PAK1: variants seen among roughly 807,000 people sequenced by gnomAD.
PAK1 encodes p21 (RAC1) activated kinase 1.
PAK1 carries 29 observed loss-of-function variants against 67.4 expected under a neutral mutation model. The ratio of observed to expected loss-of-function variants is 0.43; its 90% CI spans 0.32 to 0.59. PAK1 has a LOEUF of 0.59. Among genes scored for constraint, PAK1 ranks in the 20% least tolerant of loss-of-function variants. The pLI is 0.07. For missense variants in PAK1, 337 were observed against 670.7 expected (o/e 0.50, Z 5.50); for synonymous variants, 223 against 237.4 (o/e 0.94, Z 0.56).
intron 2 of PAK1, among the ~76,000 whole-genome samples, chr11:77,382,186 C>A (rs951033935): frequency 6.6e-6 from 1 of 152,018 alleles, no homozygotes; most frequent in Non-Finnish European, 1.5e-5. Context: ...CTGTCAAATG[C>A]ATAAGAAACT....
At chr11:77,388,392 C>T (rs1246263011) in intron 2 of PAK1, among the ~76,000 whole-genome samples, 2 of 152,182 alleles carry the variant, frequency 1.3e-5, no homozygotes, top group Non-Finnish European at 2.9e-5. Context: ...CTCGCTCTGT[C>T]GCCCAGGCTG....
Position 77,379,926 on chromosome 11 carries a change from C to T in PAK1, c.259G>A (p.Val87Ile), listed in dbSNP as rs1949601904. Residue 87 changes from valine (V) to isoleucine (I), a missense_variant, in exon 3 of 15, where the codon GTC (valine) becomes ATC (isoleucine). Val to Ile is a conservative substitution (Grantham distance 29). Transcript: ENST00000356341. ...TCCCCTGTGACAGCATCAAAACCGA[C>T]ATGAATTGTGTGTTCAAAATCTGAA... Reference protein sequence around the residue: ...LPSDFEHTIHVGFDAVTGEFT... With the variant: ...LPSDFEHTIHIGFDAVTGEFT... 1 of 1,614,050 alleles carries T rather than the reference C, an allele frequency of 6.2e-7. No homozygotes were observed. Among genetic ancestry groups the T allele is most frequent in the Non-Finnish European group, 8.5e-7 (1 of 1,179,950 alleles).
At chr11:77,502,267 G>A in the PAK1 span, among the ~76,000 whole-genome samples, 1 of 152,046 alleles carries the variant, frequency 6.6e-6, no homozygotes, top group Non-Finnish European at 1.5e-5. Flanking sequence ...ATATATGTCA[G>A]CCATATACAA....
At chr11:77,366,772 T>G (rs1228291149) in intron 5 of PAK1, among the ~76,000 whole-genome samples, 1 of 152,212 alleles carries the variant, frequency 6.6e-6, no homozygotes, top group Non-Finnish European at 1.5e-5. Flanking sequence ...GTGCCAGCAC[T>G]GTGGAAAAAA....
intron 1 of PAK1, among the ~76,000 whole-genome samples, chr11:77,448,808 A>C (rs1404871330): frequency 6.6e-6 from 1 of 152,194 alleles, no homozygotes; most frequent in Non-Finnish European, 1.5e-5. Flanking sequence ...AAAGTGGTAT[A>C]ATAGGCAAAA....
At chr11:77,430,611 A>G (rs1955815053) in intron 1 of PAK1, among the ~76,000 whole-genome samples, 1 of 152,274 alleles carries the variant, frequency 6.6e-6, no homozygotes, top group Non-Finnish European at 1.5e-5. Flanking sequence ...TCTCTTTACC[A>G]AAGGGCAGAA....
the PAK1 span, among the ~76,000 whole-genome samples, chr11:77,482,013 G>C: frequency 6.6e-6 from 1 of 151,764 alleles, no homozygotes; most frequent in East Asian, 1.9e-4. Flanking sequence ...TTTTGAGATG[G>C]AGTCTCGCTC....
intron 5 of PAK1, among the ~76,000 whole-genome samples, chr11:77,365,376 T>A: frequency 7.3e-6 from 1 of 137,684 alleles, no homozygotes; most frequent in East Asian, 2.2e-4. Context: ...TGGAACAACA[T>A]AAAGCACACC....
intron 1 of PAK1, among the ~76,000 whole-genome samples, chr11:77,417,586 G>A (rs1955036126): frequency 6.6e-6 from 1 of 152,104 alleles, no homozygotes; most frequent in African/African-American, 2.4e-5. Flanking sequence ...AAAACCTACA[G>A]AACTATACAA....
rs563482439 is a variant in PAK1, at chr11:77,390,548, G to A, written c.190+1783C>T. Among the ~76,000 whole-genome samples the A allele has an allele frequency of 3.4e-3, 509 of 151,808 alleles. 2 individuals carry two copies. Among genetic ancestry groups the A allele is most frequent in the Non-Finnish European group, 3.7e-3 (249 of 67,970 alleles). ...ATCTCACTCTGTCACCCAGGCTGGA[G>A]TGCAGTGGCATGATCACAGCTCACT... On this transcript the variant is annotated intron_variant, in intron 2 of 14. Transcript: ENST00000356341.
At chr11:77,346,411 C>A (rs1461180058) in intron 9 of PAK1, among the ~76,000 whole-genome samples, 1 of 152,194 alleles carries the variant, frequency 6.6e-6, no homozygotes, top group East Asian at 1.9e-4. Context: ...AGCTCAGGAT[C>A]TGACTGTCAC....
intron 3 of PAK1, 128 bp downstream of exon 3, chr11:77,379,766 C>T (rs1056789293): frequency 4.4e-6 from 3 of 681,760 alleles, no homozygotes; most frequent in Admixed American, 5.9e-5. Context: ...CACTCATGAA[C>T]GTGAGAAAAT....
At chr11:77,361,595 G>C (rs144667061) in intron 5 of PAK1, among the ~76,000 whole-genome samples, 1,724 of 152,172 alleles carry the variant, frequency 0.011, 33 homozygotes, top group African/African-American at 0.04. Context: ...GCTTTATTAA[G>C]ATGTTTCTCA....
Position 77,450,287 on chromosome 11 carries a change from A to G in PAK1, c.-22+23265T>C, listed in dbSNP as rs192537018. ...TGGACCCACTGAGAGAATGATGTTT[A>G]CCTGATCATGTGGGTTTCATGCTCC... On this transcript the variant is annotated intron_variant, in intron 1 of 14. Coordinates refer to ENST00000356341, the MANE Select transcript of PAK1 (RefSeq NM_002576.5). Among the ~76,000 whole-genome samples, 399 of 152,282 alleles carry G rather than the reference A, an allele frequency of 2.6e-3. 1 individual carries two copies. Among genetic ancestry groups the G allele is most frequent in the African/African-American group, 9.3e-3 (385 of 41,524 alleles).
chr11:77,522,990 G>A, the PAK1 span, among the ~76,000 whole-genome samples: 1 of 152,120 alleles, frequency 6.6e-6, no homozygotes, highest in Non-Finnish European at 1.5e-5. Flanking sequence ...AACACCACAT[G>A]TTCTCACTTA....
intron 5 of PAK1, among the ~76,000 whole-genome samples, chr11:77,362,186 T>C (rs1479080575): frequency 6.6e-6 from 1 of 152,198 alleles, no homozygotes; most frequent in African/African-American, 2.4e-5. Flanking sequence ...TTTGGGCATT[T>C]GCTTAAAGGT....
chr11:77,520,597 T>A, the PAK1 span, among the ~76,000 whole-genome samples: 18 of 152,012 alleles, frequency 1.2e-4, no homozygotes, highest in South Asian at 6.2e-4. Flanking sequence ...GCCAACCAGT[T>A]TAAGGTTTGG....
chr11:77,476,699 T>C (rs1958064180), upstream of PAK1: 1 of 152,212 alleles, frequency 6.6e-6, no homozygotes, highest in East Asian at 1.9e-4. Flanking sequence ...AAATGTGTAT[T>C]GTTGGCCAGG....
chr11:77,353,110 A>G (rs1003367498), intron 8 of PAK1: 1 of 160,674 alleles, frequency 6.2e-6, no homozygotes, highest in African/African-American at 2.4e-5. Flanking sequence ...GATGAATGCA[A>G]GAAGGATAAA....
Sources: allele counts gnomAD v4.1 joint callset (sites outside exome capture counted in the v4.1 genomes callset), GRCh38; gene constraint gnomAD v4.1.1; transcripts MANE v1.5; gene names NCBI Gene and HGNC (gene_info 2026-07-23, HGNC 2026-07-21).